The following VWA8 variants were observed in gnomAD, a reference collection of about 807,000 sequenced individuals.
The protein encoded by VWA8 is von Willebrand factor A domain-containing protein 8.
VWA8 carries 221 observed loss-of-function variants against 241.5 expected under a neutral mutation model. That is an observed-to-expected ratio of 0.91 (90% CI 0.82 to 1.02). The LOEUF (loss-of-function observed/expected upper bound fraction) is 1.02, where lower values mean the gene tolerates loss of function less well. Among genes scored for constraint, VWA8 ranks in the 50% least tolerant of loss-of-function variants. The pLI, the probability that VWA8 is intolerant of heterozygous loss-of-function variation, is 0.00. For missense variants in VWA8, 2,322 were observed against 2,328.7 expected (o/e 1.00, Z 0.06); for synonymous variants, 852 against 827.1 (o/e 1.03, Z -0.52).
intron 29 of VWA8, among the ~76,000 whole-genome samples, chr13:41,693,675 G>C (rs1383058946): frequency 6.6e-6 from 1 of 151,586 alleles, no homozygotes. Flanking sequence ...ATTAGGATAC[G>C]TTTTTTTAAG....
chr13:41,745,798 G>C (rs1325158032), intron 21 of VWA8, among the ~76,000 whole-genome samples: 2 of 152,152 alleles, frequency 1.3e-5, no homozygotes, highest in African/African-American at 2.4e-5. Flanking sequence ...AAGACTGTGT[G>C]TCAATCCCTC....
intron 44 of VWA8, among the ~76,000 whole-genome samples, chr13:41,569,516 C>G (rs1157314477): frequency 6.6e-6 from 1 of 152,042 alleles, no homozygotes; most frequent in African/African-American, 2.4e-5. Context: ...AACCTTACAG[C>G]AAGGCAAAGG....
chr13:41,940,981 T>A (rs1203077801), intron 2 of VWA8, among the ~76,000 whole-genome samples: 1 of 152,150 alleles, frequency 6.6e-6, no homozygotes, highest in Non-Finnish European at 1.5e-5. Flanking sequence ...TTCAGGTAAA[T>A]TTCAAAGAGC....
intron 12 of VWA8, among the ~76,000 whole-genome samples, chr13:41,861,473 A>C (rs1327048502): frequency 6.6e-6 from 1 of 152,176 alleles, no homozygotes; most frequent in East Asian, 1.9e-4. Flanking sequence ...AGGCAAGACC[A>C]AAAAATAAAA....
chr13:41,811,199 C>A, intron 17 of VWA8, 26 bp downstream of exon 17: 1 of 1,567,712 alleles, frequency 6.4e-7, no homozygotes. Flanking sequence ...CAGAAACTTA[C>A]ACGCAGTGAG....
intron 38 of VWA8, among the ~76,000 whole-genome samples, chr13:41,612,528 G>A (rs972175452): frequency 6.6e-6 from 1 of 152,104 alleles, no homozygotes; most frequent in African/African-American, 2.4e-5. Context: ...TGGGGACATT[G>A]GCTAACTTAG....
At chr13:41,582,699 A>C (rs958819271) in intron 42 of VWA8, among the ~76,000 whole-genome samples, 12 of 151,886 alleles carry the variant, frequency 7.9e-5, no homozygotes, top group Non-Finnish European at 2.9e-5. Context: ...ACAAATGAGA[A>C]AATGAAAGTA....
intron 17 of VWA8, among the ~76,000 whole-genome samples, chr13:41,806,243 A>G (rs79012786): frequency 0.019 from 2,927 of 152,238 alleles, 96 homozygotes; most frequent in African/African-American, 0.066. Context: ...ATAATAAAAG[A>G]AAAGTCTATA....
chr13:41,739,984 T>A (rs9566839), intron 21 of VWA8, among the ~76,000 whole-genome samples: 53,591 of 150,972 alleles, frequency 0.35, 9,617 homozygotes, highest in Admixed American at 0.37. Flanking sequence ...CCTCCCGAGT[T>A]GCTGGGACTA....
chr13:41,649,132 T>G (rs1566401630), intron 37 of VWA8, among the ~76,000 whole-genome samples: 1 of 152,072 alleles, frequency 6.6e-6, no homozygotes, highest in Non-Finnish European at 1.5e-5. Flanking sequence ...TGCAGTGAGC[T>G]GAGATTGCGC....
chr13:41,709,306 G>A (rs924486162), intron 26 of VWA8, among the ~76,000 whole-genome samples: 2 of 152,026 alleles, frequency 1.3e-5, no homozygotes, highest in African/African-American at 4.8e-5. Context: ...ATCCTCTCTC[G>A]CTGTTGTACC....
Position 41,568,166 on chromosome 13 carries a change from C to T in VWA8, c.*31G>A. On this transcript the variant is annotated 3_prime_UTR_variant, in exon 45 of 45. Coordinates refer to ENST00000379310, the MANE Select transcript of VWA8 (RefSeq NM_015058.2). Reference sequence around the variant, plus strand: ...CTTTATTCCTGTCTTATTTCAAATCCTGGTGTCATCAGGGTGATGAAGGGC... The same window carrying T: ...CTTTATTCCTGTCTTATTTCAAATCTTGGTGTCATCAGGGTGATGAAGGGC... 6.5e-7 allele frequency: 1 copy of T among 1,543,480 alleles called. No homozygotes were observed.
intron 19 of VWA8, among the ~76,000 whole-genome samples, chr13:41,782,729 T>A (rs1215944380): frequency 1.3e-5 from 2 of 151,964 alleles, no homozygotes; most frequent in Non-Finnish European, 2.9e-5. Context: ...TAATATAACT[T>A]AAAATATATT....
intron 21 of VWA8, among the ~76,000 whole-genome samples, chr13:41,754,072 A>G (rs2045675440): frequency 6.6e-6 from 1 of 152,124 alleles, no homozygotes; most frequent in African/African-American, 2.4e-5. Context: ...AATTAGTAGG[A>G]GTGTCAGTCT....
chr13:41,954,408 T>A (rs1878271540), intron 1 of VWA8, among the ~76,000 whole-genome samples: 1 of 152,158 alleles, frequency 6.6e-6, no homozygotes, highest in South Asian at 2.1e-4. Flanking sequence ...CCACCTCTTG[T>A]ATTCCTATCT....
Position 41,704,415 on chromosome 13 carries a change from T to C in VWA8, c.3117-1004A>G, listed in dbSNP as rs2045269633. Among the ~76,000 whole-genome samples, 3 of 151,978 alleles carry C rather than the reference T, an allele frequency of 2.0e-5. No individual in the cohort carries two copies. The South Asian group carries it at 6.2e-4, about 32-fold the overall frequency. On this transcript the variant is annotated intron_variant, in intron 26 of 44. Coordinates refer to ENST00000379310, the MANE Select transcript of VWA8 (RefSeq NM_015058.2). ...ATAAGGTGATTTGCCAAAACCAACA[T>C]GGCAATACTAAAGTATAAAACAGCA... is the stretch of plus-strand genomic sequence containing the variant.
chr13:41,905,868 T>G (rs959941088), intron 4 of VWA8, among the ~76,000 whole-genome samples: 14 of 152,030 alleles, frequency 9.2e-5, no homozygotes, highest in Admixed American at 1.3e-4. Flanking sequence ...GTTGTATGAG[T>G]TGGTTAATGG....
At chr13:41,843,183 G>A (rs974745058) in intron 12 of VWA8, among the ~76,000 whole-genome samples, 1 of 152,126 alleles carries the variant, frequency 6.6e-6, no homozygotes, top group Non-Finnish European at 1.5e-5. Context: ...AGGACAAGAA[G>A]AGTTTCACAA....
At chr13:41,955,985 C>G (rs1878335220) in intron 1 of VWA8, 1 of 152,222 alleles carries the variant, frequency 6.6e-6, no homozygotes, top group Non-Finnish European at 1.5e-5. Flanking sequence ...GCTCTCTGAG[C>G]TTATTCTGGT....
Sources: allele counts gnomAD v4.1 joint callset (sites outside exome capture counted in the v4.1 genomes callset), GRCh38; gene constraint gnomAD v4.1.1; transcripts MANE v1.5; gene names NCBI Gene and HGNC (gene_info 2026-07-23, HGNC 2026-07-21).